The following RAB38 variants were observed in gnomAD, a reference collection of about 807,000 sequenced individuals.
RAB38 encodes ras-related protein Rab-38.
Under a neutral mutation model 18.4 loss-of-function variants are expected in RAB38, and 15 were observed. The ratio of observed to expected loss-of-function variants is 0.82; its 90% CI spans 0.55 to 1.26. RAB38 has a LOEUF of 1.26. Ranked by LOEUF, RAB38 falls within the 50% of genes most tolerant of loss-of-function variation. The pLI is 0.00. For synonymous variants in RAB38, 101 were observed against 104.4 expected, an observed-to-expected ratio of 0.97 and a Z score of 0.20; for missense variants, 294 against 267.4, an observed-to-expected ratio of 1.10 and a Z score of -0.69.
At chr11:87,816,245 T>A in the RAB38 span, 1 of 152,614 alleles carries the variant, frequency 6.6e-6, no homozygotes, top group Admixed American at 6.5e-5. Context: ...TTTATTTTTA[T>A]TAAGTATTCT....
chr11:88,129,859 T>A (rs996073663), intron 2 of RAB38, among the ~76,000 whole-genome samples: 2 of 152,204 alleles, frequency 1.3e-5, no homozygotes, highest in African/African-American at 4.8e-5. Context: ...AATCTTATAT[T>A]TTATAATTGT....
the RAB38 span, among the ~76,000 whole-genome samples, chr11:87,897,163 C>G: frequency 1.3e-5 from 2 of 151,528 alleles, no homozygotes; most frequent in African/African-American, 2.4e-5. Flanking sequence ...TTAACCCCCC[C>G]CAAACCAATG....
At chr11:88,019,577 C>T in the RAB38 span, among the ~76,000 whole-genome samples, 1 of 152,110 alleles carries the variant, frequency 6.6e-6, no homozygotes, top group Non-Finnish European at 1.5e-5. Flanking sequence ...CAAAATGCCT[C>T]CCATCTAAAG....
the RAB38 span, among the ~76,000 whole-genome samples, chr11:87,923,759 C>T: frequency 6.6e-6 from 1 of 152,030 alleles, no homozygotes; most frequent in South Asian, 2.1e-4. Context: ...AGCACCTGCT[C>T]TGAGCAAGGC....
At chr11:87,861,254 T>C in the RAB38 span, among the ~76,000 whole-genome samples, 4 of 151,854 alleles carry the variant, frequency 2.6e-5, no homozygotes, top group African/African-American at 9.7e-5. Flanking sequence ...CACATCTCAG[T>C]TGGTTCAGGT....
chr11:88,067,012 G>A, the RAB38 span, among the ~76,000 whole-genome samples: 3 of 152,086 alleles, frequency 2.0e-5, no homozygotes, highest in African/African-American at 4.8e-5. Context: ...AATGAAATAA[G>A]GTGCCTAAAG....
At chr11:87,907,826 CT>C in the RAB38 span, among the ~76,000 whole-genome samples, 1 of 151,682 alleles carries the variant, frequency 6.6e-6, no homozygotes, top group Non-Finnish European at 1.5e-5. Context: ...TGATATTTCT[CT>C]TTTGCTATAA....
At chr11:87,940,986 G>C in the RAB38 span, among the ~76,000 whole-genome samples, 1 of 151,422 alleles carries the variant, frequency 6.6e-6, no homozygotes, top group East Asian at 1.9e-4. Flanking sequence ...ACACTCCTTT[G>C]GTTTGATCAG....
intron 1 of RAB38, among the ~76,000 whole-genome samples, chr11:88,152,548 C>T (rs1279927409): frequency 6.6e-6 from 1 of 152,084 alleles, no homozygotes; most frequent in Admixed American, 6.5e-5. Flanking sequence ...TGAGCCAGGC[C>T]ACTTGGAAAG....
chr11:88,062,486 AAATACT>A, the RAB38 span, among the ~76,000 whole-genome samples: 1 of 152,206 alleles, frequency 6.6e-6, no homozygotes, highest in African/African-American at 2.4e-5. Context: ...GGACTAATAC[AAATACT>A]GTCTTAACAA....
the RAB38 span, among the ~76,000 whole-genome samples, chr11:88,003,730 A>C: frequency 1.7e-4 from 2 of 11,924 alleles, 1 homozygote; most frequent in Non-Finnish European, 3.0e-4. Flanking sequence ...AATATATAAT[A>C]TATTGTATAT....
intron 1 of RAB38, among the ~76,000 whole-genome samples, chr11:88,170,500 G>T (rs1210224779): frequency 6.6e-6 from 1 of 152,164 alleles, no homozygotes; most frequent in Non-Finnish European, 1.5e-5. Flanking sequence ...CAACCTGAAA[G>T]AACTTCACAA....
the RAB38 span, among the ~76,000 whole-genome samples, chr11:87,929,874 T>G: frequency 2.2e-4 from 33 of 152,160 alleles, 1 homozygote; most frequent in East Asian, 5.8e-3. Flanking sequence ...TTCATCCATG[T>G]CCCTACAAAG....
chr11:87,926,125 G>A, the RAB38 span, among the ~76,000 whole-genome samples: 5 of 151,424 alleles, frequency 3.3e-5, no homozygotes, highest in African/African-American at 1.2e-4. Flanking sequence ...ATCATTCATG[G>A]ATAATGAGCA....
chr11:88,042,647 A>T, the RAB38 span, among the ~76,000 whole-genome samples: 1 of 152,200 alleles, frequency 6.6e-6, no homozygotes. Flanking sequence ...AAGCAGACAG[A>T]AGCCCTCTAG....
chr11:88,095,579 ATTCT>A, the RAB38 span, among the ~76,000 whole-genome samples: 1 of 151,704 alleles, frequency 6.6e-6, no homozygotes, highest in Non-Finnish European at 1.5e-5. Flanking sequence ...CAATCCTTGA[ATTCT>A]TTCTTCTCTT....
the RAB38 span, among the ~76,000 whole-genome samples, chr11:88,021,134 G>C: frequency 6.6e-6 from 1 of 152,006 alleles, no homozygotes; most frequent in Non-Finnish European, 1.5e-5. Flanking sequence ...AAAGAAGAAA[G>C]TAATACAAAA....
At chr11:88,170,022 A>G (rs1943290335) in intron 1 of RAB38, among the ~76,000 whole-genome samples, 1 of 152,050 alleles carries the variant, frequency 6.6e-6, no homozygotes, top group Non-Finnish European at 1.5e-5. Context: ...ACTTTTTCCA[A>G]TCCCCTCCCA....
At chr11:88,036,296 G>A in the RAB38 span, among the ~76,000 whole-genome samples, 5 of 152,228 alleles carry the variant, frequency 3.3e-5, no homozygotes, top group African/African-American at 1.2e-4. Context: ...GTTATTTGTA[G>A]TGAAAAATGA....
Sources: gnomAD v4.1 joint callset for allele counts (sites outside exome capture counted in the v4.1 genomes callset) on GRCh38, gnomAD v4.1.1 for gene constraint, MANE v1.5 for transcripts, NCBI Gene and HGNC (gene_info 2026-07-23, HGNC 2026-07-21) for gene names.